TRPC7: variants seen among roughly 807,000 people sequenced by gnomAD.
The protein encoded by TRPC7 is short transient receptor potential channel 7.
A neutral mutation model predicts 90.1 loss-of-function variants in TRPC7; 42 were observed. That is an observed-to-expected ratio of 0.47 (90% CI 0.36 to 0.60). TRPC7 has a LOEUF of 0.60. TRPC7 is among the 20% of genes least tolerant of loss of function. The pLI is 0.00. For missense variants in TRPC7, 955 were observed against 1,112.3 expected (o/e 0.86, Z 2.01); for synonymous variants, 451 against 436.3 (o/e 1.03, Z -0.42).
intron 3 of TRPC7, among the ~76,000 whole-genome samples, chr5:136,286,932 C>T (rs889841551): frequency 1.7e-4 from 26 of 152,204 alleles, no homozygotes; most frequent in African/African-American, 5.1e-4. Flanking sequence ...CCTATGGCCT[C>T]ATGACCATCT....
Position 136,213,539 on chromosome 5 carries a change from G to A in TRPC7, c.2485C>T (p.Gln829Ter), listed in dbSNP as rs764009360. ...LRYELLEEKS[Q>*]ATGELADLIQ... ...AGGTCTGCCAGCTCACCAGTAGCTT[G>A]AGATTTTTCCTCAAGAAGCTCATAG... The change falls in exon 12 of 12, where the codon CAA (glutamine) becomes TAA (stop). Residue 829 changes from glutamine to a stop codon, truncating the protein, a stop_gained. Transcript: ENST00000513104. LOFTEE classifies it high-confidence loss of function. 1.2e-6 allele frequency: 2 copies of A among 1,614,064 alleles called. No homozygotes were observed. Among genetic ancestry groups the A allele is most frequent in the East Asian group, 4.5e-5 (2 of 44,888 alleles).
At chr5:136,317,191 G>A (rs1340738748) in intron 2 of TRPC7, among the ~76,000 whole-genome samples, 3 of 152,140 alleles carry the variant, frequency 2.0e-5, no homozygotes, top group Non-Finnish European at 4.4e-5. Flanking sequence ...CTCGGCTCAG[G>A]CGTGTAAGAA....
intron 9 of TRPC7, among the ~76,000 whole-genome samples, 180 bp downstream of exon 9, chr5:136,225,854 C>A (rs780223412): frequency 6.6e-6 from 1 of 152,080 alleles, no homozygotes; most frequent in Non-Finnish European, 1.5e-5. Context: ...TCACAGTAGC[C>A]TCTGCTGGCA....
rs78719803 is a variant in TRPC7 at position 136,329,961 on chromosome 5, T to C, written c.781-14182A>G. On this transcript the variant is annotated intron_variant, in intron 2 of 11. Coordinates refer to ENST00000513104, the MANE Select transcript of TRPC7 (RefSeq NM_020389.3). The stretch of plus-strand genomic sequence containing the variant: ...CACAGCCACCCAGCATTCTCTGTTT[T>C]CTCTCTCTCTGACACACATACACAT... Among the ~76,000 whole-genome samples the C allele has an allele frequency of 1.3e-3, 202 of 152,194 alleles. 1 individual carries two copies. The highest frequency in any genetic ancestry group is 4.7e-3 in the African/African-American group (197 of 41,538).
At chr5:136,286,678 G>A (rs1340880533) in intron 3 of TRPC7, among the ~76,000 whole-genome samples, 1 of 152,152 alleles carries the variant, frequency 6.6e-6, no homozygotes, top group African/African-American at 2.4e-5. Flanking sequence ...TAATTAAAAT[G>A]ATTGATTCTT....
At position 136,331,384 on chromosome 5, in the gene TRPC7, G is replaced by A. The variant is rs142242879; in HGVS notation, c.781-15605C>T. ...TAGGGTGTGCTGAGCTCTGTGCCAGGGCCCTGGAGGTACAATGGAGAGTGA... is the reference window on the plus strand; with the variant it reads ...TAGGGTGTGCTGAGCTCTGTGCCAGAGCCCTGGAGGTACAATGGAGAGTGA... On this transcript the variant is annotated intron_variant, in intron 2 of 11. Transcript: ENST00000513104. Among the ~76,000 whole-genome samples the A allele has an allele frequency of 9.6e-4, 146 of 152,160 alleles. 5 individuals are homozygous for A. The East Asian group carries it at 0.022, about 23-fold the overall frequency.
At chr5:136,353,394 T>C (rs1427218562) in intron 2 of TRPC7, among the ~76,000 whole-genome samples, 2 of 152,198 alleles carry the variant, frequency 1.3e-5, no homozygotes, top group African/African-American at 2.4e-5. Context: ...GGATGACATA[T>C]GACATTTCCA....
chr5:136,316,913 G>A (rs535837475), intron 2 of TRPC7, among the ~76,000 whole-genome samples: 1 of 152,184 alleles, frequency 6.6e-6, no homozygotes, highest in African/African-American at 2.4e-5. Context: ...TGCTTTTCCA[G>A]AACATGGATT....
In TRPC7 at chr5:136,345,422, G is replaced by A. The variant is rs548078267; in HGVS notation, c.780+11186C>T. On this transcript the variant is annotated intron_variant, in intron 2 of 11. Coordinates refer to ENST00000513104, the MANE Select transcript of TRPC7 (RefSeq NM_020389.3). ...AATACAAAAATACAAAAATACGGGC[G>A]TGGTGGCAGGCGCCTGTAATCCTAG... Among the ~76,000 whole-genome samples, 9 of 152,208 alleles carry A rather than the reference G, an allele frequency of 5.9e-5. No homozygotes were observed. In the South Asian group the frequency reaches 8.3e-4, roughly 14 times the overall value.
chr5:136,214,591 A>G (rs1330456250), intron 11 of TRPC7, among the ~76,000 whole-genome samples: 1 of 152,178 alleles, frequency 6.6e-6, no homozygotes, highest in Non-Finnish European at 1.5e-5. Context: ...GATCAGTGAT[A>G]TTCACATGAA....
chr5:136,234,090 T>C (rs1755907137), intron 7 of TRPC7, among the ~76,000 whole-genome samples: 1 of 152,212 alleles, frequency 6.6e-6, no homozygotes, highest in African/African-American at 2.4e-5. Flanking sequence ...CAATTTGTTG[T>C]CTGTCTTCCA....
intron 5 of TRPC7, among the ~76,000 whole-genome samples, chr5:136,265,305 ATT>A (rs1036476705): frequency 2.0e-5 from 3 of 152,114 alleles, no homozygotes; most frequent in Admixed American, 1.3e-4. Flanking sequence ...TACTGTACTA[ATT>A]TTTTGTCTTT....
intron 2 of TRPC7, among the ~76,000 whole-genome samples, chr5:136,331,931 T>C (rs1759513012): frequency 6.6e-6 from 1 of 152,076 alleles, no homozygotes; most frequent in Non-Finnish European, 1.5e-5. Flanking sequence ...GGAGCTTATA[T>C]TTTATTGGGG....
chr5:136,263,026 G>T (rs1756906725), intron 5 of TRPC7, among the ~76,000 whole-genome samples: 1 of 152,166 alleles, frequency 6.6e-6, no homozygotes, highest in Non-Finnish European at 1.5e-5. Context: ...AAAGACACCA[G>T]AAATTTAAAT....
At chr5:136,355,505 A>G (rs1425225119) in intron 2 of TRPC7, among the ~76,000 whole-genome samples, 2 of 152,220 alleles carry the variant, frequency 1.3e-5, no homozygotes, top group African/African-American at 2.4e-5. Context: ...TGCCCATTAA[A>G]TATTTGCTCT....
At chr5:136,268,479 T>C (rs140720311) in intron 4 of TRPC7, among the ~76,000 whole-genome samples, 77 of 152,326 alleles carry the variant, frequency 5.1e-4, no homozygotes, top group African/African-American at 1.9e-3. Flanking sequence ...GGTCTCTACC[T>C]AATATCTTCA....
intron 2 of TRPC7, among the ~76,000 whole-genome samples, chr5:136,345,423 T>C (rs1414299935): frequency 6.6e-6 from 1 of 151,860 alleles, no homozygotes; most frequent in African/African-American, 2.4e-5. Context: ...AATACGGGCG[T>C]GGTGGCAGGC....
chr5:136,341,262 G>A (rs1161972638), intron 2 of TRPC7, among the ~76,000 whole-genome samples: 1 of 152,076 alleles, frequency 6.6e-6, no homozygotes, highest in Admixed American at 6.6e-5. Flanking sequence ...AAATTACAGT[G>A]CATCTATCTT....
chr5:136,362,445 CAT>C (rs949169344), intron 1 of TRPC7, among the ~76,000 whole-genome samples: 26 of 151,974 alleles, frequency 1.7e-4, no homozygotes, highest in African/African-American at 4.3e-4. Flanking sequence ...TAAATATAAA[CAT>C]ATAAAAAAGG....
Sources: gnomAD v4.1 joint callset for allele counts (sites outside exome capture counted in the v4.1 genomes callset) on GRCh38, gnomAD v4.1.1 for gene constraint, MANE v1.5 for transcripts, NCBI Gene and HGNC (gene_info 2026-07-23, HGNC 2026-07-21) for gene names.